Variants in CEP164 observed in about 807,000 individuals in gnomAD.
The protein encoded by CEP164 is centrosomal protein of 164 kDa.
Under a neutral mutation model 182.7 loss-of-function variants are expected in CEP164, and 162 were observed. That is an observed-to-expected ratio of 0.89 (90% CI 0.78 to 1.01). The LOEUF is 1.01. CEP164 is among the 50% of genes least tolerant of loss of function. CEP164 has a pLI of 0.00. For synonymous variants in CEP164, 661 were observed against 690.0 expected (o/e 0.96, Z 0.66); for missense variants, 1,735 against 1,790.4 (o/e 0.97, Z 0.56).
At chr11:117,372,474 G>A (rs2042315265) in intron 9 of CEP164, among the ~76,000 whole-genome samples, 1 of 151,502 alleles carries the variant, frequency 6.6e-6, no homozygotes, top group Admixed American at 6.6e-5. Context: ...CTGGAGTGCA[G>A]TGGTGCGATC....
upstream of CEP164, among the ~76,000 whole-genome samples, chr11:117,323,428 A>AT (rs959384130): frequency 5.3e-4 from 79 of 149,578 alleles, no homozygotes; most frequent in African/African-American, 1.6e-3. Flanking sequence ...GTAGGATTCC[A>AT]TTTTTTTTTA....
chr11:117,365,832 G>A (rs926800584), intron 8 of CEP164, among the ~76,000 whole-genome samples: 1 of 152,122 alleles, frequency 6.6e-6, no homozygotes, highest in South Asian at 2.1e-4. Flanking sequence ...TGCACGCCAC[G>A]GCTTCCCAAG....
intron 11 of CEP164, among the ~76,000 whole-genome samples, chr11:117,379,319 G>A (rs554501274): frequency 3.9e-4 from 60 of 152,356 alleles, no homozygotes; most frequent in Middle Eastern, 3.4e-3. Flanking sequence ...GTTAGCCACA[G>A]CTGCTGGGGC....
rs201718007 is a variant in CEP164 at position 117,409,868 on chromosome 11, A to G, written c.3999A>G (p.Gln1333=). ...CATCTGCTACACCCACGTCCACCCA[A>G]TGGGCCTGGGATTCAGGGCAGGGGC... ...ALSSATPTST[Q]WAWDSGQGPR... Residue 1333 remains glutamine (Q), a synonymous_variant, in exon 30 of 33, where the codon CAA becomes CAG. Transcript: ENST00000278935. This position sits in a 1 kb window ranked among gnomAD's most constrained non-coding sequence, Gnocchi z 4.4. The G allele has an allele frequency of 4.7e-5, 76 of 1,605,548 alleles. No individual in the cohort carries two copies. In the East Asian group the frequency reaches 9.7e-4, roughly 20 times the overall value.
At chr11:117,380,534 A>T in intron 11 of CEP164, 80 bp from the exon 12 acceptor site, 1 of 1,175,866 alleles carries the variant, frequency 8.5e-7, no homozygotes, top group Non-Finnish European at 1.2e-6. Context: ...CTTTCGTCTA[A>T]GCTTGAGAGC....
intron 5 of CEP164, among the ~76,000 whole-genome samples, chr11:117,361,233 CTTTTT>C (rs71469129): frequency 2.2e-5 from 2 of 90,198 alleles, no homozygotes; most frequent in Non-Finnish European, 4.3e-5. Flanking sequence ...CTGCGCCTGG[CTTTTT>C]TTTTTTTTTT....
At chr11:117,349,096 C>T (rs770080151) in intron 4 of CEP164, among the ~76,000 whole-genome samples, 16 of 152,086 alleles carry the variant, frequency 1.1e-4, no homozygotes, top group Admixed American at 8.5e-4. Flanking sequence ...GATCTTGGCT[C>T]ACTGCAACCT....
Position 117,373,577 on chromosome 11 carries a change from T to C in CEP164, c.1153-174T>C, listed in dbSNP as rs118067739. ...CCCAGTGGGGCGGAGGCTGTGCACATGTCCAGAGAGAATGGCGGGGTCCAC... is the reference window on the plus strand; with the variant it reads ...CCCAGTGGGGCGGAGGCTGTGCACACGTCCAGAGAGAATGGCGGGGTCCAC... On this transcript the variant is annotated intron_variant, in intron 9 of 32. Coordinates refer to ENST00000278935, the MANE Select transcript of CEP164 (RefSeq NM_014956.5). 3.3e-3 allele frequency among the ~76,000 whole-genome samples: 499 copies of C among 152,332 alleles called. 3 individuals carry two copies. Among genetic ancestry groups the C allele is most frequent in the East Asian group, 0.025 (127 of 5,180 alleles).
intron 27 of CEP164, among the ~76,000 whole-genome samples, chr11:117,403,552 G>T (rs1410357273): frequency 2.6e-5 from 4 of 152,150 alleles, no homozygotes; most frequent in Non-Finnish European, 5.9e-5. Flanking sequence ...TCCCTTTGTG[G>T]GTAACCCGAC....
rs189690654 is a variant in CEP164, at chr11:117,382,620, G to A, written c.1578-176G>A. The A allele has an allele frequency of 1.9e-5, 13 of 683,192 alleles. No individual in the cohort carries two copies. In the East Asian group the frequency reaches 3.4e-4, roughly 18 times the overall value. 42.3% of individuals were successfully genotyped at this position (683,192 alleles called of 1,614,324 possible). A position where few individuals can be genotyped will look rare whatever the true frequency, so the allele number is the denominator to read the frequency against. On this transcript the variant is annotated intron_variant, in intron 13 of 32. Coordinates refer to ENST00000278935, the MANE Select transcript of CEP164 (RefSeq NM_014956.5). ...GAGGCAGGAGTCTCTAGTCTTTGAT[G>A]CAAATAATTCAGGGAGAGGAAGGGC...
intron 8 of CEP164, among the ~76,000 whole-genome samples, chr11:117,370,656 A>G (rs1343743917): frequency 6.6e-6 from 1 of 152,146 alleles, no homozygotes. Flanking sequence ...CACGCCTGTA[A>G]TCCCAGCACT....
At chr11:117,357,640 T>A (rs530332898) in intron 5 of CEP164, among the ~76,000 whole-genome samples, 7 of 152,282 alleles carry the variant, frequency 4.6e-5, no homozygotes, top group East Asian at 1.9e-4. Flanking sequence ...CAGGCTGGTA[T>A]CAAACTCCTG....
At chr11:117,336,185 G>C (rs576549402) in intron 2 of CEP164, 560 of 1,585,700 alleles carry the variant, frequency 3.5e-4, no homozygotes, top group Non-Finnish European at 4.3e-4. Flanking sequence ...TTGAGGGAAG[G>C]GTCCAGGGCC....
intron 14 of CEP164, among the ~76,000 whole-genome samples, chr11:117,383,676 G>C (rs1287717519): frequency 6.6e-6 from 1 of 152,154 alleles, no homozygotes; most frequent in African/African-American, 2.4e-5. Flanking sequence ...TTCAGACGAG[G>C]AAACTGAGGC....
chr11:117,392,821 T>C (rs779011918), intron 19 of CEP164, among the ~76,000 whole-genome samples, 183 bp from the exon 20 acceptor site: 3 of 152,088 alleles, frequency 2.0e-5, no homozygotes, highest in Non-Finnish European at 2.9e-5. Flanking sequence ...CCTGTATGCA[T>C]GTGGGGAGGG....
rs199637319 is a variant in CEP164, at chr11:117,395,634, C to G, written c.3001C>G (p.Leu1001Val). The G allele has an allele frequency of 6.7e-4, 1,077 of 1,613,940 alleles. 6 individuals are homozygous for G. The highest frequency in any genetic ancestry group is 1.2e-3 in the Middle Eastern group (7 of 5,892). The change falls in exon 24 of 33, where the codon CTT becomes GTT. Residue 1001 changes from leucine to valine, a missense_variant. By Grantham distance (32) the Leu-to-Val change is conservative. Transcript: ENST00000278935. ...LQSNQQLREI[L>V]DELQARKLKL... is the part of the protein sequence containing the mutation. ...GTCAAACCAGCAGCTCCGAGAAATT[C>G]TTGATGAGCTGCAGGCCCGCAAGCT...
intron 1 of CEP164, among the ~76,000 whole-genome samples, chr11:117,330,847 A>G (rs994786329): frequency 1.3e-5 from 2 of 152,222 alleles, no homozygotes; most frequent in Admixed American, 6.5e-5. Context: ...GAATCATATA[A>G]GCCTCACAAC....
At chr11:117,355,538 C>A in intron 5 of CEP164, 1 of 1,269,638 alleles carries the variant, frequency 7.9e-7, no homozygotes, top group Non-Finnish European at 1.0e-6. Flanking sequence ...AAGCCCCATT[C>A]CCATGTCATC....
intron 6 of CEP164, 91 bp downstream of exon 6, chr11:117,362,084 G>T (rs908812602): frequency 3.2e-6 from 4 of 1,259,080 alleles, no homozygotes; most frequent in Non-Finnish European, 3.3e-6. Flanking sequence ...GTGAGAAATA[G>T]ACAGAATCGG....
Sources: allele counts gnomAD v4.1 joint callset (sites outside exome capture counted in the v4.1 genomes callset), GRCh38; gene constraint gnomAD v4.1.1; non-coding constraint Gnocchi (gnomAD v3.1); transcripts MANE v1.5; gene names NCBI Gene and HGNC (gene_info 2026-07-23, HGNC 2026-07-21).